Variants in MAGI1 observed in about 807,000 individuals in gnomAD.
The protein encoded by MAGI1 is membrane associated guanylate kinase, WW and PDZ domain containing 1.
MAGI1 carries 58 observed loss-of-function variants against 139.9 expected under a neutral mutation model. The observed-to-expected ratio is 0.41, with a 90% CI of 0.34 to 0.52. MAGI1 has a LOEUF of 0.52. Ranked by LOEUF, MAGI1 falls within the 20% of genes least tolerant of loss-of-function variation. MAGI1 has a pLI of 0.12. For missense variants in MAGI1, 1,874 were observed against 1,901.6 expected, an observed-to-expected ratio of 0.99 and a Z score of 0.27; for synonymous variants, 812 against 737.9, an observed-to-expected ratio of 1.10 and a Z score of -1.63.
chr3:65,579,146 G>A (rs2081308956), intron 2 of MAGI1, among the ~76,000 whole-genome samples: 1 of 152,036 alleles, frequency 6.6e-6, no homozygotes, highest in South Asian at 2.1e-4. Context: ...CCCCACCACT[G>A]TGCAAATCCT....
chr3:65,405,791 C>A (rs1575631604), intron 12 of MAGI1, among the ~76,000 whole-genome samples: 1 of 151,502 alleles, frequency 6.6e-6, no homozygotes, highest in African/African-American at 2.4e-5. Context: ...GACGGGGTTT[C>A]ACCATGTTGG....
At chr3:65,851,855 A>G (rs2059214932) in intron 1 of MAGI1, among the ~76,000 whole-genome samples, 1 of 152,248 alleles carries the variant, frequency 6.6e-6, no homozygotes, top group Non-Finnish European at 1.5e-5. Context: ...GTTTATGTTC[A>G]GTAATATAAA....
At chr3:65,790,544 C>G (rs574202716) in intron 1 of MAGI1, among the ~76,000 whole-genome samples, 1 of 152,252 alleles carries the variant, frequency 6.6e-6, no homozygotes, top group South Asian at 2.1e-4. Flanking sequence ...AATGGTTAGG[C>G]AGAAGACAAA....
chr3:65,621,314 G>A (rs534228906), intron 2 of MAGI1, among the ~76,000 whole-genome samples: 1 of 152,338 alleles, frequency 6.6e-6, no homozygotes, highest in African/African-American at 2.4e-5. Context: ...ACCATAGACA[G>A]ACAGGCTGCC....
chr3:65,573,822 T>G (rs972644586), intron 2 of MAGI1, among the ~76,000 whole-genome samples: 1 of 152,168 alleles, frequency 6.6e-6, no homozygotes, highest in African/African-American at 2.4e-5. Flanking sequence ...ATGGCATGGT[T>G]AGCTGTGTCA....
intron 2 of MAGI1, among the ~76,000 whole-genome samples, chr3:65,588,010 G>C (rs997804023): frequency 6.6e-6 from 1 of 152,060 alleles, no homozygotes; most frequent in Non-Finnish European, 1.5e-5. Context: ...TTTTCCCAAG[G>C]CTCTAGAGCC....
At position 65,429,685 on chromosome 3, in the gene MAGI1, C is replaced by G; in HGVS notation, c.2002G>C (p.Val668Leu). The G allele has an allele frequency of 6.2e-7, 1 of 1,613,960 alleles. No homozygotes were observed. Among genetic ancestry groups the G allele is most frequent in the Non-Finnish European group, 8.5e-7 (1 of 1,179,948 alleles). Residue 668 changes from valine (V) to leucine (L), a missense_variant, in exon 12 of 23, where the codon GTG becomes CTG. By Grantham distance (32) the Val-to-Leu change is conservative. Coordinates refer to ENST00000402939, the MANE Select transcript of MAGI1 (RefSeq NM_001033057.2). ...CTTGGGCTGTCAACAATCTGTTTCACTCTTTGGCCACCCCCACCAGGACTG... is the reference window on the plus strand; with the variant it reads ...CTTGGGCTGTCAACAATCTGTTTCAGTCTTTGGCCACCCCCACCAGGACTG... ...ADSPGGGGQR[V>L]KQIVDSPRCR...
At chr3:65,609,535 T>C (rs192045907) in intron 2 of MAGI1, among the ~76,000 whole-genome samples, 576 of 152,208 alleles carry the variant, frequency 3.8e-3, no homozygotes, top group African/African-American at 0.013. Context: ...TGCCTCAGCC[T>C]CCCAAAGTGC....
At chr3:65,751,546 T>C (rs1163590974) in intron 1 of MAGI1, among the ~76,000 whole-genome samples, 2 of 152,228 alleles carry the variant, frequency 1.3e-5, no homozygotes, top group African/African-American at 2.4e-5. Context: ...GCTAGCAGTA[T>C]GGACTTCTTA....
intron 1 of MAGI1, among the ~76,000 whole-genome samples, chr3:66,020,359 C>A (rs979555818): frequency 6.6e-6 from 1 of 152,094 alleles, no homozygotes; most frequent in Non-Finnish European, 1.5e-5. Flanking sequence ...ATCGCTTGAA[C>A]CTGGAGGTTG....
chr3:66,010,579 CACTT>C (rs961155338), intron 1 of MAGI1, among the ~76,000 whole-genome samples: 1 of 152,190 alleles, frequency 6.6e-6, no homozygotes, highest in Non-Finnish European at 1.5e-5. Context: ...AGGCGTTCCT[CACTT>C]ACACCATTAT....
intron 1 of MAGI1, among the ~76,000 whole-genome samples, chr3:65,897,415 C>A (rs1231351491): frequency 6.6e-6 from 1 of 151,096 alleles, no homozygotes; most frequent in East Asian, 2.0e-4. Context: ...GGGAATTCAA[C>A]AACGAGAACA....
At chr3:66,015,466 A>C (rs1344680399) in intron 1 of MAGI1, among the ~76,000 whole-genome samples, 1 of 152,110 alleles carries the variant, frequency 6.6e-6, no homozygotes, top group Non-Finnish European at 1.5e-5. Flanking sequence ...CAGTGAAAAA[A>C]AAAAATCTTA....
chr3:65,727,343 C>T (rs986475517), intron 1 of MAGI1, among the ~76,000 whole-genome samples: 1 of 152,186 alleles, frequency 6.6e-6, no homozygotes, highest in African/African-American at 2.4e-5. Context: ...CTTCAATAAA[C>T]ATTTGAGTTA....
chr3:65,792,704 G>T (rs2039870813), intron 1 of MAGI1, among the ~76,000 whole-genome samples: 1 of 152,018 alleles, frequency 6.6e-6, no homozygotes, highest in Non-Finnish European at 1.5e-5. Context: ...GACAATGGGA[G>T]GATTCACGTT....
chr3:65,917,981 T>G (rs573209050), intron 1 of MAGI1, among the ~76,000 whole-genome samples: 13 of 152,266 alleles, frequency 8.5e-5, no homozygotes, highest in Admixed American at 2.6e-4. Flanking sequence ...TGTACCACCT[T>G]GGTGGGGGAC....
chr3:65,676,361 A>T (rs929745283), intron 1 of MAGI1, among the ~76,000 whole-genome samples: 1 of 152,242 alleles, frequency 6.6e-6, no homozygotes, highest in Non-Finnish European at 1.5e-5. Context: ...GAAAATACAT[A>T]GAGCAAATAA....
At chr3:65,549,353 C>G in intron 2 of MAGI1, 1 of 861,298 alleles carries the variant, frequency 1.2e-6, no homozygotes, top group Non-Finnish European at 1.4e-6. Context: ...CTTCCTAACC[C>G]CCTCCCCTCC....
chr3:65,458,687 C>T (rs1042945973), intron 5 of MAGI1, among the ~76,000 whole-genome samples: 1 of 151,920 alleles, frequency 6.6e-6, no homozygotes, highest in African/African-American at 2.4e-5. Context: ...TGCTTGAGCT[C>T]CCTATATATA....
Sources: gnomAD v4.1 joint callset for allele counts (sites outside exome capture counted in the v4.1 genomes callset) on GRCh38, gnomAD v4.1.1 for gene constraint, MANE v1.5 for transcripts, NCBI Gene and HGNC (gene_info 2026-07-23, HGNC 2026-07-21) for gene names.